Variants in LIPI observed in about 807,000 individuals in gnomAD.
LIPI encodes the protein lipase I.
In LIPI, 59 loss-of-function variants were observed where a neutral mutation model predicts 50.6. The ratio of observed to expected loss-of-function variants is 1.16; its 90% CI spans 0.94 to 1.45. LIPI has a LOEUF of 1.45. LIPI is among the 40% of genes most tolerant of loss of function. The pLI is 0.00. For synonymous variants in LIPI, 203 were observed against 178.2 expected (o/e 1.14, Z -1.11); for missense variants, 586 against 536.3 (o/e 1.09, Z -0.92).
chr21:14,178,048 T>C (rs140651933), intron 4 of LIPI, among the ~76,000 whole-genome samples: 2 of 152,280 alleles, frequency 1.3e-5, no homozygotes, highest in East Asian at 3.9e-4. Context: ...TATATTCCAT[T>C]GTTTCTGTTG....
intron 8 of LIPI, among the ~76,000 whole-genome samples, chr21:14,146,772 A>ATTTCTTTTTTTT (rs2017920949): frequency 1.4e-5 from 1 of 73,372 alleles, no homozygotes; most frequent in African/African-American, 6.1e-5. Flanking sequence ...CCCAGTCTCT[A>ATTTCTTTTTTTT]TTTTTTTTTT....
At chr21:14,167,728 C>G (rs530054589) in intron 4 of LIPI, among the ~76,000 whole-genome samples, 1 of 152,052 alleles carries the variant, frequency 6.6e-6, no homozygotes, top group Admixed American at 6.6e-5. Flanking sequence ...TCACCATCAT[C>G]AAAGACCAAA....
intron 9 of LIPI, among the ~76,000 whole-genome samples, chr21:14,114,246 A>G (rs1258825214): frequency 6.6e-6 from 1 of 151,898 alleles, no homozygotes; most frequent in African/African-American, 2.4e-5. Flanking sequence ...GGGAACCACC[A>G]CAATGAATCA....
intron 9 of LIPI, among the ~76,000 whole-genome samples, chr21:14,123,835 C>T (rs116237252): frequency 0.027 from 4,144 of 152,230 alleles, 178 homozygotes; most frequent in African/African-American, 0.091. Context: ...AAATGAGAGA[C>T]ACTATATACC....
chr21:14,166,972 G>A (rs1300891192), intron 4 of LIPI, among the ~76,000 whole-genome samples: 1 of 152,256 alleles, frequency 6.6e-6, no homozygotes, highest in Non-Finnish European at 1.5e-5. Context: ...AAGAAAGGGT[G>A]ACAGATGGCA....
intron 9 of LIPI, among the ~76,000 whole-genome samples, chr21:14,117,094 G>A (rs72492011): frequency 0.016 from 2,392 of 152,264 alleles, 52 homozygotes; most frequent in East Asian, 0.12. Flanking sequence ...GAGGTTGGCC[G>A]TCCCTGGTCA....
intron 9 of LIPI, among the ~76,000 whole-genome samples, chr21:14,113,590 T>C (rs2016500219): frequency 6.6e-6 from 1 of 152,050 alleles, no homozygotes; most frequent in Admixed American, 6.6e-5. Flanking sequence ...CCAAAAATAC[T>C]TAAAATTGGA....
chr21:14,137,654 G>T (rs768253296), intron 9 of LIPI, among the ~76,000 whole-genome samples: 5 of 152,268 alleles, frequency 3.3e-5, no homozygotes, highest in Admixed American at 2.6e-4. Flanking sequence ...GAAAGAGATA[G>T]GGGTAGAAAG....
chr21:14,119,911 C>A (rs552544029), intron 9 of LIPI, among the ~76,000 whole-genome samples: 2 of 152,124 alleles, frequency 1.3e-5, no homozygotes, highest in African/African-American at 2.4e-5. Flanking sequence ...AATTCAGGTG[C>A]CCCACACAGT....
chr21:14,199,269 G>T (rs1273562045), intron 1 of LIPI, among the ~76,000 whole-genome samples: 1 of 151,484 alleles, frequency 6.6e-6, no homozygotes, highest in African/African-American at 2.4e-5. Flanking sequence ...CGGAGACTGA[G>T]AAATGAAAAA....
chr21:14,186,058 T>C lies in LIPI; in HGVS notation c.444A>G (p.Ala148=). The C allele has an allele frequency of 6.3e-7, 1 of 1,575,282 alleles. No individual in the cohort carries two copies. Among genetic ancestry groups the C allele is most frequent in the Non-Finnish European group, 8.7e-7 (1 of 1,144,816 alleles). ...CTATGAAATGAAAATTGTCAAGAGA[T>C]GCACCATGCTTCTGCAATTAAAGAG... ...VHIKNLLKHG[A]SLDNFHFIGV... Residue 148 remains alanine, a synonymous_variant, in exon 3 of 10, where the codon GCA becomes GCG. Transcript: ENST00000681601.
intron 2 of LIPI, among the ~76,000 whole-genome samples, chr21:14,188,761 A>G (rs1321553946): frequency 6.6e-6 from 1 of 152,082 alleles, no homozygotes; most frequent in Non-Finnish European, 1.5e-5. Flanking sequence ...GAAATCTCAG[A>G]AGATTTTTAA....
chr21:14,144,977 A>AAATAATAAATGCAAAAT (rs1421917161), intron 8 of LIPI, among the ~76,000 whole-genome samples, 178 bp from the exon 9 acceptor site: 1 of 152,162 alleles, frequency 6.6e-6, no homozygotes, highest in Non-Finnish European at 1.5e-5. Context: ...TAACAGAACA[A>AAATAATAAATGCAAAAT]AATAATAAAT....
chr21:14,161,385 TATA>T (rs2018456294), intron 7 of LIPI, among the ~76,000 whole-genome samples: 1 of 142,916 alleles, frequency 7.0e-6, no homozygotes, highest in Non-Finnish European at 1.5e-5. Context: ...ATATATGACA[TATA>T]ATATCTATGT....
At chr21:14,120,787 GC>G (rs1341119301) in intron 9 of LIPI, among the ~76,000 whole-genome samples, 1 of 151,704 alleles carries the variant, frequency 6.6e-6, no homozygotes, top group Non-Finnish European at 1.5e-5. Context: ...AGAAGCCATT[GC>G]CCCCCAATTT....
chr21:14,127,798 T>A (rs545617232), intron 9 of LIPI, among the ~76,000 whole-genome samples: 1 of 152,110 alleles, frequency 6.6e-6, no homozygotes, highest in African/African-American at 2.4e-5. Flanking sequence ...TAACCTGAGA[T>A]AGAAGATTTA....
At chr21:14,151,662 C>A (rs556261035) in intron 8 of LIPI, among the ~76,000 whole-genome samples, 2 of 152,052 alleles carry the variant, frequency 1.3e-5, no homozygotes, top group South Asian at 4.1e-4. Flanking sequence ...GTAGTGTGCC[C>A]GTTTATATCA....
intron 9 of LIPI, among the ~76,000 whole-genome samples, chr21:14,136,722 A>T (rs2017512801): frequency 6.6e-6 from 1 of 152,136 alleles, no homozygotes; most frequent in African/African-American, 2.4e-5. Context: ...TTGAGTGAAC[A>T]TAGGCAGTTT....
intron 8 of LIPI, 98 bp downstream of exon 8, chr21:14,152,475 A>G: frequency 1.5e-6 from 1 of 659,230 alleles, no homozygotes; most frequent in South Asian, 1.8e-5. Context: ...TCTCTAGATT[A>G]AAAAATAAAC....
Sources: allele counts gnomAD v4.1 joint callset (sites outside exome capture counted in the v4.1 genomes callset), GRCh38; gene constraint gnomAD v4.1.1; transcripts MANE v1.5; gene names NCBI Gene and HGNC (gene_info 2026-07-23, HGNC 2026-07-21).